MTUS2: variants seen among roughly 807,000 people sequenced by gnomAD.
MTUS2 encodes the protein microtubule associated scaffold protein 2, also known as microtubule-associated tumor suppressor candidate 2.
MTUS2 carries 40 observed loss-of-function variants against 114.1 expected under a neutral mutation model. The ratio of observed to expected loss-of-function variants is 0.35; its 90% CI spans 0.27 to 0.46. The LOEUF (loss-of-function observed/expected upper bound fraction) is 0.46, where lower values mean the gene tolerates loss of function less well. Ranked by LOEUF, MTUS2 falls within the 20% of genes least tolerant of loss-of-function variation. The pLI, the probability that MTUS2 is intolerant of heterozygous loss-of-function variation, is 1.00. For missense variants in MTUS2, 1,679 were observed against 1,705.4 expected, an observed-to-expected ratio of 0.98 and a Z score of 0.27; for synonymous variants, 688 against 672.0, an observed-to-expected ratio of 1.02 and a Z score of -0.37.
At chr13:29,130,079 A>G (rs1211098949) in intron 5 of MTUS2, among the ~76,000 whole-genome samples, 1 of 152,184 alleles carries the variant, frequency 6.6e-6, no homozygotes, top group Non-Finnish European at 1.5e-5. Flanking sequence ...TCTTGGTCAT[A>G]TGGAGGACAG....
intron 10 of MTUS2, among the ~76,000 whole-genome samples, chr13:29,481,309 C>A (rs953937372): frequency 1.1e-4 from 17 of 152,196 alleles, no homozygotes; most frequent in Admixed American, 5.2e-4. Context: ...GCTATCTTGT[C>A]CATGACTGCC....
intron 8 of MTUS2, among the ~76,000 whole-genome samples, chr13:29,373,624 C>A (rs758454482): frequency 2.0e-5 from 3 of 152,152 alleles, no homozygotes; most frequent in Non-Finnish European, 4.4e-5. Flanking sequence ...TTGTGGGAGG[C>A]ACATGAGGTA....
chr13:29,010,930 T>C (rs976098223), intron 2 of MTUS2, among the ~76,000 whole-genome samples: 7 of 152,028 alleles, frequency 4.6e-5, no homozygotes, highest in Admixed American at 1.3e-4. Context: ...CTGGGAGAGG[T>C]GCCCCTGGAG....
chr13:29,283,674 A>G (rs1393939008), intron 6 of MTUS2, among the ~76,000 whole-genome samples: 1 of 152,166 alleles, frequency 6.6e-6, no homozygotes, highest in Non-Finnish European at 1.5e-5. Context: ...GGGCTCGAGA[A>G]TTTGCATTTC....
intron 9 of MTUS2, among the ~76,000 whole-genome samples, chr13:29,444,888 C>T (rs991073487): frequency 1.3e-5 from 2 of 152,230 alleles, no homozygotes; most frequent in Non-Finnish European, 2.9e-5. Context: ...CCTTCACTCC[C>T]GCCTCCTTCC....
intron 10 of MTUS2, among the ~76,000 whole-genome samples, chr13:29,486,300 G>A (rs1030006106): frequency 1.3e-5 from 2 of 152,194 alleles, no homozygotes; most frequent in Non-Finnish European, 1.5e-5. Context: ...TGTTTTAGTG[G>A]ATGAAGTTCT....
At chr13:29,494,850 C>T (rs2138993625) in intron 12 of MTUS2, among the ~76,000 whole-genome samples, 1 of 151,724 alleles carries the variant, frequency 6.6e-6, no homozygotes, top group East Asian at 1.9e-4. Flanking sequence ...ACCAGCCTGG[C>T]CAACATGGTG....
intron 7 of MTUS2, among the ~76,000 whole-genome samples, chr13:29,331,784 A>T (rs1035941878): frequency 6.6e-6 from 1 of 152,150 alleles, no homozygotes; most frequent in Non-Finnish European, 1.5e-5. Context: ...GTTGAATTTT[A>T]TCAAAGGTCT....
intron 5 of MTUS2, among the ~76,000 whole-genome samples, chr13:29,242,253 A>T (rs1593211437): frequency 6.6e-6 from 1 of 152,148 alleles, no homozygotes; most frequent in Non-Finnish European, 1.5e-5. Context: ...CCCTATTTCT[A>T]TCCCCAGCTA....
At chr13:29,087,273 T>A (rs1233041441) in intron 4 of MTUS2, among the ~76,000 whole-genome samples, 2 of 152,212 alleles carry the variant, frequency 1.3e-5, no homozygotes, top group African/African-American at 4.8e-5. Flanking sequence ...TGAGATATGT[T>A]CCTTAAATGC....
At chr13:28,937,161 G>A (rs1374217547) in intron 2 of MTUS2, among the ~76,000 whole-genome samples, 6 of 150,806 alleles carry the variant, frequency 4.0e-5, no homozygotes, top group Admixed American at 2.6e-4. Flanking sequence ...GAACTTTTCT[G>A]TCTTACAAGA....
chr13:29,404,615 G>A (rs1332962640), intron 8 of MTUS2, among the ~76,000 whole-genome samples: 1 of 152,120 alleles, frequency 6.6e-6, no homozygotes, highest in Non-Finnish European at 1.5e-5. Flanking sequence ...TCCTCAAACC[G>A]AGGTCACCTA....
At chr13:29,303,218 T>C (rs1248905191) in intron 6 of MTUS2, among the ~76,000 whole-genome samples, 1 of 152,216 alleles carries the variant, frequency 6.6e-6, no homozygotes, top group East Asian at 1.9e-4. Context: ...GCAAAAATGC[T>C]GAAAACTCAA....
At chr13:28,950,697 A>T (rs1183086647) in intron 2 of MTUS2, among the ~76,000 whole-genome samples, 1 of 152,240 alleles carries the variant, frequency 6.6e-6, no homozygotes, top group Non-Finnish European at 1.5e-5. Flanking sequence ...TTGCCATCTT[A>T]TATGGGCATG....
chr13:28,909,347 GTATCCTCTTTTA>G (rs568775519), intron 2 of MTUS2, among the ~76,000 whole-genome samples: 1,994 of 151,918 alleles, frequency 0.013, 44 homozygotes, highest in African/African-American at 0.045. Context: ...CCATTTGTTT[GTATCCTCTTTTA>G]TTTCATTGAG....
intron 9 of MTUS2, among the ~76,000 whole-genome samples, chr13:29,457,825 G>A (rs2138774257): frequency 6.6e-6 from 1 of 152,146 alleles, no homozygotes; most frequent in South Asian, 2.1e-4. Flanking sequence ...TTTTCTTGTT[G>A]TTGTTTTAGT....
intron 2 of MTUS2, among the ~76,000 whole-genome samples, chr13:29,021,264 C>A (rs1886279768): frequency 6.6e-6 from 1 of 152,138 alleles, no homozygotes; most frequent in Non-Finnish European, 1.5e-5. Context: ...GAGATACTGT[C>A]TCAATTTTTT....
At chr13:28,945,428 A>T (rs184629031) in intron 2 of MTUS2, among the ~76,000 whole-genome samples, 1 of 152,266 alleles carries the variant, frequency 6.6e-6, no homozygotes, top group Non-Finnish European at 1.5e-5. Flanking sequence ...CAGAGGTTGT[A>T]CTAATTTACA....
intron 9 of MTUS2, among the ~76,000 whole-genome samples, chr13:29,440,770 T>G (rs1209237228): frequency 6.6e-6 from 1 of 152,126 alleles, no homozygotes; most frequent in African/African-American, 2.4e-5. Context: ...CTCCATCTAG[T>G]GTGGTCCTGG....
Sources: gnomAD v4.1 joint callset for allele counts (sites outside exome capture counted in the v4.1 genomes callset) on GRCh38, gnomAD v4.1.1 for gene constraint, MANE v1.5 for transcripts, NCBI Gene and HGNC (gene_info 2026-07-23, HGNC 2026-07-21) for gene names.